The following KDM7A variants were observed in gnomAD, a reference collection of about 807,000 sequenced individuals.
The protein encoded by KDM7A is lysine-specific demethylase 7A.
A neutral mutation model predicts 114.8 loss-of-function variants in KDM7A; 28 were observed. That is an observed-to-expected ratio of 0.24 (90% CI 0.18 to 0.33). KDM7A has a LOEUF of 0.33. Ranked by LOEUF, KDM7A falls within the 10% of genes least tolerant of loss-of-function variation. KDM7A has a pLI of 1.00. For synonymous variants in KDM7A, 423 were observed against 397.8 expected (o/e 1.06, Z -0.75); for missense variants, 942 against 1,142.5 (o/e 0.82, Z 2.53).
Position 140,097,647 on chromosome 7 carries a change from A to C in KDM7A, c.1919-5T>G. The C allele has an allele frequency of 6.7e-7, 1 of 1,483,132 alleles. No individual in the cohort carries two copies. Among genetic ancestry groups the C allele is most frequent in the Non-Finnish European group, 9.4e-7 (1 of 1,062,434 alleles). 91.9% of individuals were successfully genotyped at this position (1,483,132 alleles called of 1,614,324 possible). ...ATTTCACACGTGTAAAAAACCCTGA[A>C]AAAGAATGAAAGGATGAGAAAAAGA... is the stretch of plus-strand genomic sequence containing the variant. On this transcript the variant is annotated splice_polypyrimidine_tract_variant and splice_region_variant and intron_variant, in intron 14 of 19. Transcript: ENST00000397560.
At chr7:140,116,606 G>A (rs1818533462) in intron 9 of KDM7A, among the ~76,000 whole-genome samples, 1 of 151,974 alleles carries the variant, frequency 6.6e-6, no homozygotes, top group Non-Finnish European at 1.5e-5. Context: ...GTGGTTACCT[G>A]AGTAAGAACA....
chr7:140,108,645 G>C (rs1249600636), intron 11 of KDM7A, among the ~76,000 whole-genome samples: 1 of 152,168 alleles, frequency 6.6e-6, no homozygotes, highest in East Asian at 1.9e-4. Flanking sequence ...TCGTCTCAGA[G>C]GGGCACCCAG....
intron 1 of KDM7A, among the ~76,000 whole-genome samples, chr7:140,139,871 A>G (rs1268901191): frequency 6.6e-6 from 1 of 152,240 alleles, no homozygotes; most frequent in African/African-American, 2.4e-5. Context: ...GACATTAGAT[A>G]TAAATGAGGA....
chr7:140,113,677 A>G, intron 9 of KDM7A, 95 bp from the exon 10 acceptor site: 1 of 548,960 alleles, frequency 1.8e-6, no homozygotes, highest in Non-Finnish European at 3.3e-6. Context: ...ACCAAATATA[A>G]AACTATATAA....
At chr7:140,170,722 A>C (rs574055302) in intron 1 of KDM7A, among the ~76,000 whole-genome samples, 3 of 152,218 alleles carry the variant, frequency 2.0e-5, no homozygotes, top group African/African-American at 7.2e-5. Context: ...TTCGATATTT[A>C]TCTCTCTTTC....
chr7:140,133,483 A>G (rs777765368), intron 3 of KDM7A, 56 bp downstream of exon 3: 10 of 1,029,164 alleles, frequency 9.7e-6, no homozygotes, highest in African/African-American at 4.8e-5. Context: ...ATGTCACTCT[A>G]TGAGACGACA....
intron 11 of KDM7A, among the ~76,000 whole-genome samples, chr7:140,107,427 G>A (rs1365610168): frequency 2.6e-5 from 4 of 152,174 alleles, no homozygotes; most frequent in African/African-American, 7.2e-5. Context: ...TCCTTTCCAT[G>A]TTTAGTGCTT....
chr7:140,158,894 C>G (rs182502427), intron 1 of KDM7A, among the ~76,000 whole-genome samples: 4 of 152,208 alleles, frequency 2.6e-5, no homozygotes, highest in Admixed American at 2.6e-4. Context: ...AATGGGACCT[C>G]TCATTTCCTA....
intron 2 of KDM7A, among the ~76,000 whole-genome samples, chr7:140,136,930 T>C (rs551892244): frequency 5.9e-5 from 9 of 151,624 alleles, no homozygotes; most frequent in Non-Finnish European, 8.8e-5. Flanking sequence ...GAGGTTGCAG[T>C]GAGCCAAGAC....
intron 1 of KDM7A, among the ~76,000 whole-genome samples, chr7:140,163,939 TTTATAA>T (rs1341469290): frequency 6.6e-6 from 1 of 152,184 alleles, no homozygotes; most frequent in Non-Finnish European, 1.5e-5. Flanking sequence ...GTTATAACAT[TTTATAA>T]TTATAATGAT....
chr7:140,135,559 T>C (rs920377974), intron 2 of KDM7A, among the ~76,000 whole-genome samples: 1 of 152,224 alleles, frequency 6.6e-6, no homozygotes, highest in Non-Finnish European at 1.5e-5. Flanking sequence ...ATCTTTCTTA[T>C]TATATAATGA....
intron 1 of KDM7A, among the ~76,000 whole-genome samples, chr7:140,146,154 T>C (rs1437556529): frequency 6.6e-6 from 1 of 152,158 alleles, no homozygotes; most frequent in Non-Finnish European, 1.5e-5. Context: ...AAATTTGATA[T>C]ATCAATAAAA....
chr7:140,126,228 T>C (rs148329362), intron 6 of KDM7A, among the ~76,000 whole-genome samples: 1 of 152,142 alleles, frequency 6.6e-6, no homozygotes, highest in Non-Finnish European at 1.5e-5. Context: ...GGTATTTTTA[T>C]AGGCATTCCT....
chr7:140,142,636 G>A (rs1794296737), intron 1 of KDM7A, among the ~76,000 whole-genome samples: 1 of 152,146 alleles, frequency 6.6e-6, no homozygotes, highest in African/African-American at 2.4e-5. Flanking sequence ...ATGATGTAGA[G>A]CAATAGGAAC....
At chr7:140,101,475 G>A (rs1446176368) in intron 12 of KDM7A, among the ~76,000 whole-genome samples, 3 of 152,166 alleles carry the variant, frequency 2.0e-5, no homozygotes, top group Non-Finnish European at 4.4e-5. Context: ...TCAAACCTGA[G>A]AGGCTCTCTG....
chr7:140,143,714 C>T (rs887938969), intron 1 of KDM7A, among the ~76,000 whole-genome samples: 1 of 152,172 alleles, frequency 6.6e-6, no homozygotes, highest in Admixed American at 6.6e-5. Flanking sequence ...TCTTTGAGAG[C>T]TTGAGTAGAG....
In KDM7A at chr7:140,159,835, T is replaced by C. The variant is rs183843400; in HGVS notation, c.194+16909A>G. ...GGCAACAGGGCAGCTTTATGGGAAATTGAAGGCCAGGGAAGTTTGTCCTGC... is the reference window on the plus strand; with the variant it reads ...GGCAACAGGGCAGCTTTATGGGAAACTGAAGGCCAGGGAAGTTTGTCCTGC... On this transcript the variant is annotated intron_variant, in intron 1 of 19. Transcript: ENST00000397560. Among the ~76,000 whole-genome samples, 160 of 152,064 alleles carry C rather than the reference T, an allele frequency of 1.1e-3. 2 individuals are homozygous for C. In the South Asian group the frequency reaches 0.028, roughly 27 times the overall value.
chr7:140,173,830 G>A (rs1044723462), intron 1 of KDM7A, among the ~76,000 whole-genome samples: 15 of 151,998 alleles, frequency 9.9e-5, no homozygotes, highest in African/African-American at 3.6e-4. Flanking sequence ...TAAATACCAC[G>A]GGAAAAACAT....
rs373884173 is a variant in KDM7A at position 140,155,144 on chromosome 7, ATTGT to A, written c.195-15958_195-15955del. On this transcript the variant is annotated intron_variant, in intron 1 of 19. Coordinates refer to ENST00000397560, the MANE Select transcript of KDM7A (RefSeq NM_030647.2). Reference sequence around the variant, plus strand: ...TTTTAACCTCAAAAGAAACAAACAAATTGTTTGTCTCCAATTACCCTTATTACAA... The same window carrying A: ...TTTTAACCTCAAAAGAAACAAACAAATTGTCTCCAATTACCCTTATTACAA... Among the ~76,000 whole-genome samples the A allele has an allele frequency of 5.3e-4, 81 of 152,266 alleles. 1 individual carries two copies. Among genetic ancestry groups the A allele is most frequent in the African/African-American group, 1.8e-3 (75 of 41,550 alleles).
Sources: allele counts gnomAD v4.1 joint callset (sites outside exome capture counted in the v4.1 genomes callset), GRCh38; gene constraint gnomAD v4.1.1; transcripts MANE v1.5; gene names NCBI Gene and HGNC (gene_info 2026-07-23, HGNC 2026-07-21).